Variants in ITGA4 observed in about 807,000 individuals in gnomAD.
The protein encoded by ITGA4 is integrin alpha-4.
A neutral mutation model predicts 133.6 loss-of-function variants in ITGA4; 63 were observed. The ratio of observed to expected loss-of-function variants is 0.47; its 90% confidence interval spans 0.38 to 0.58. The LOEUF (loss-of-function observed/expected upper bound fraction) is 0.58, where lower values mean the gene tolerates loss of function less well. Among genes scored for constraint, ITGA4 ranks in the 20% least tolerant of loss-of-function variants. The probability of loss-of-function intolerance (pLI) is 0.00; values close to 1 mark genes in which losing one functional copy is unlikely to be tolerated. For missense variants in ITGA4, 1,076 were observed against 1,252.7 expected, an observed-to-expected ratio of 0.86 and a Z score of 2.13; for synonymous variants, 483 against 438.0, an observed-to-expected ratio of 1.10 and a Z score of -1.28.
chr2:181,517,956 C>G (rs1686643774), intron 17 of ITGA4, among the ~76,000 whole-genome samples: 1 of 151,896 alleles, frequency 6.6e-6, no homozygotes, highest in African/African-American at 2.4e-5. Flanking sequence ...TTCTGGGCAG[C>G]TCTTCTACAA....
At chr2:181,510,925 AT>A (rs1445936016) in intron 16 of ITGA4, among the ~76,000 whole-genome samples, 1 of 151,036 alleles carries the variant, frequency 6.6e-6, no homozygotes, top group Non-Finnish European at 1.5e-5. Flanking sequence ...AGAAAAAAAA[AT>A]CATATTTATT....
At chr2:181,478,183 G>A (rs983165854) in intron 4 of ITGA4, among the ~76,000 whole-genome samples, 1 of 152,004 alleles carries the variant, frequency 6.6e-6, no homozygotes, top group African/African-American at 2.4e-5. Context: ...CAAATACATA[G>A]AGAAGAAGGT....
Position 181,523,629 on chromosome 2 carries a change from T to TTC in ITGA4, c.2169+98_2169+99insCT. ...TTGCATAGAAAATATTATAAATATTTTAGCTTGGGGTAGGTAGCTGAGTGA... is the reference window on the plus strand; with the variant it reads ...TTGCATAGAAAATATTATAAATATTTTCTAGCTTGGGGTAGGTAGCTGAGTGA... On this transcript the variant is annotated intron_variant, in intron 19 of 27. Transcript: ENST00000397033. This position sits in a 1 kb window ranked among gnomAD's most constrained non-coding sequence, Gnocchi z 4.2. The TTC allele has an allele frequency of 1.5e-6, 1 of 671,100 alleles. No homozygotes were observed. Among genetic ancestry groups the TTC allele is most frequent in the Non-Finnish European group, 2.6e-6 (1 of 387,068 alleles). The allele number at this position is 671,100 out of a possible 1,614,324, so 41.6% of individuals were successfully genotyped here.
chr2:181,530,427 G>C (rs1323678634), intron 23 of ITGA4, 97 bp from the exon 24 acceptor site: 48 of 1,110,788 alleles, frequency 4.3e-5, no homozygotes, highest in Non-Finnish European at 5.9e-5. Flanking sequence ...ATATATTTTA[G>C]CAAAGATAAG....
chr2:181,511,626 G>A (rs747729015), intron 16 of ITGA4, 73 bp from the exon 17 acceptor site: 36 of 768,362 alleles, frequency 4.7e-5, no homozygotes, highest in Non-Finnish European at 6.6e-5. Context: ...CACAGGTGTC[G>A]TCATCTTTAA....
rs559339261 is a variant in ITGA4 at position 181,488,713 on chromosome 2, C to T, written c.1153+2721C>T. On this transcript the variant is annotated intron_variant, in intron 10 of 27. Transcript: ENST00000397033. ...AGCTGGGACTACAGGCACCCGCCACCACCCCAGCTAATTTTTTTGTGTTTT... is the reference window on the plus strand; with the variant it reads ...AGCTGGGACTACAGGCACCCGCCACTACCCCAGCTAATTTTTTTGTGTTTT... 4.3e-3 allele frequency among the ~76,000 whole-genome samples: 649 copies of T among 152,064 alleles called. 7 individuals are homozygous for T. The highest frequency in any genetic ancestry group is 0.013 in the African/African-American group (545 of 41,444).
rs1276837971 is a variant in ITGA4 at position 181,530,504 on chromosome 2, CT to C, written c.2539-18del. ...TCCAGTGTTGAAAGATAAGATTTCTCTTGCTTTCTGTCTTCATAGACTACTA... is the reference window on the plus strand; with the variant it reads ...TCCAGTGTTGAAAGATAAGATTTCTCTGCTTTCTGTCTTCATAGACTACTA... On this transcript the variant is annotated intron_variant, in intron 23 of 27. Coordinates refer to ENST00000397033, the MANE Select transcript of ITGA4 (RefSeq NM_000885.6). The C allele has an allele frequency of 6.3e-7, 1 of 1,598,408 alleles. No homozygotes were observed. Among genetic ancestry groups the C allele is most frequent in the Admixed American group, 1.7e-5 (1 of 59,212 alleles).
chr2:181,481,036 C>G (rs529791186), intron 6 of ITGA4, among the ~76,000 whole-genome samples: 2 of 145,430 alleles, frequency 1.4e-5, no homozygotes, highest in Admixed American at 1.3e-4. Flanking sequence ...AATAAGCACT[C>G]TTTCTTTCTA....
chr2:181,457,975 G>C (rs767034863), intron 1 of ITGA4, 124 bp downstream of exon 1: 5 of 1,146,624 alleles, frequency 4.4e-6, no homozygotes, highest in African/African-American at 1.6e-5. Context: ...AACGCTGCGA[G>C]AGCCAGCTCG....
At chr2:181,469,398 TA>T (rs917512707) in intron 2 of ITGA4, among the ~76,000 whole-genome samples, 1 of 152,126 alleles carries the variant, frequency 6.6e-6, no homozygotes, top group African/African-American at 2.4e-5. Context: ...TGGCGATCAT[TA>T]AAAAGTCAGG....
chr2:181,482,212 C>G (rs747805155), intron 7 of ITGA4, 148 bp from the exon 8 acceptor site: 19 of 773,232 alleles, frequency 2.5e-5, no homozygotes, highest in Non-Finnish European at 3.7e-5. Context: ...ATCCCAAACC[C>G]TTTTGTGTCA....
chr2:181,468,831 C>T (rs914483174), intron 2 of ITGA4, among the ~76,000 whole-genome samples: 1 of 151,954 alleles, frequency 6.6e-6, no homozygotes, highest in South Asian at 2.1e-4. Flanking sequence ...TTTAATGTGG[C>T]TTTGTTTTTT....
chr2:181,466,862 C>T (rs535675357), intron 2 of ITGA4, among the ~76,000 whole-genome samples: 1 of 152,192 alleles, frequency 6.6e-6, no homozygotes, highest in South Asian at 2.1e-4. Flanking sequence ...CCATAATGCA[C>T]GTACCCTGAG....
At chr2:181,503,630 C>A (rs1686332258) in intron 15 of ITGA4, among the ~76,000 whole-genome samples, 1 of 136,874 alleles carries the variant, frequency 7.3e-6, no homozygotes, top group African/African-American at 2.8e-5. Flanking sequence ...TATAATTATG[C>A]CAAGCTTTAA....
At chr2:181,459,980 G>A (rs1326284416) in intron 2 of ITGA4, among the ~76,000 whole-genome samples, 1 of 142,572 alleles carries the variant, frequency 7.0e-6, no homozygotes, top group East Asian at 1.9e-4. Flanking sequence ...GGAAAAAATT[G>A]TTTGGGCATG....
At position 181,537,904 on chromosome 2, in the gene ITGA4, C is replaced by A. The variant is rs1198091694; in HGVS notation, c.*2377C>A. ...AGCAATGGAGCATTACTGAGTTCCTCCCCCTGTCAGATCAGCAGCAGCATT... is the reference window on the plus strand; with the variant it reads ...AGCAATGGAGCATTACTGAGTTCCTACCCCTGTCAGATCAGCAGCAGCATT... On this transcript the variant is annotated 3_prime_UTR_variant, in exon 28 of 28. Coordinates refer to ENST00000397033, the MANE Select transcript of ITGA4 (RefSeq NM_000885.6). 1.8e-6 allele frequency: 1 copy of A among 565,958 alleles called. No individual in the cohort carries two copies. The highest frequency in any genetic ancestry group is 4.0e-5 in the East Asian group (1 of 25,040). The allele number at this position is 565,958 out of a possible 1,614,324, so 35.1% of individuals were successfully genotyped here. A position where few individuals can be genotyped will look rare whatever the true frequency, so the allele number is the denominator to read the frequency against.
At chr2:181,530,238 T>C (rs1686917253) in intron 23 of ITGA4, among the ~76,000 whole-genome samples, 1 of 152,260 alleles carries the variant, frequency 6.6e-6, no homozygotes, top group Non-Finnish European at 1.5e-5. Flanking sequence ...AAGAAATATT[T>C]AATGTCATGC....
chr2:181,495,412 CTAAGG>C lies in ITGA4; in HGVS notation c.1385+1_1385+5del. 1 of 1,607,202 alleles carries C rather than the reference CTAAGG, an allele frequency of 6.2e-7. No individual in the cohort carries two copies. Among genetic ancestry groups the C allele is most frequent in the Non-Finnish European group, 8.5e-7 (1 of 1,173,956 alleles). On this transcript the variant is annotated splice_donor_variant and coding_sequence_variant, in exon 13 of 28. Coordinates refer to ENST00000397033, the MANE Select transcript of ITGA4 (RefSeq NM_000885.6). LOFTEE classifies it high-confidence loss of function. This position sits in a 1 kb window ranked among gnomAD's most constrained non-coding sequence, Gnocchi z 4.3. ...TTTTCGGTCTGATTCTGCTGTCTTG[CTAAGG>C]TAAGACTGATATATTTCACTGCTTA...
intron 10 of ITGA4, among the ~76,000 whole-genome samples, chr2:181,489,008 C>T (rs1340440344): frequency 6.6e-6 from 1 of 152,212 alleles, no homozygotes; most frequent in African/African-American, 2.4e-5. Flanking sequence ...TGTCTGCCTG[C>T]ATGAGGCAGC....
Sources: gnomAD v4.1 joint callset for allele counts (sites outside exome capture counted in the v4.1 genomes callset) on GRCh38, gnomAD v4.1.1 for gene constraint, Gnocchi (gnomAD v3.1) non-coding constraint, MANE v1.5 for transcripts, NCBI Gene and HGNC (gene_info 2026-07-23, HGNC 2026-07-21) for gene names.